TAF1B: variants seen among roughly 807,000 people sequenced by gnomAD.
The protein encoded by TAF1B is TATA box-binding protein-associated factor RNA polymerase I subunit B.
TAF1B carries 61 observed loss-of-function variants against 83.9 expected under a neutral mutation model. The observed-to-expected ratio is 0.73, with a 90% confidence interval of 0.59 to 0.90. The LOEUF (loss-of-function observed/expected upper bound fraction) is 0.90. Ranked by LOEUF, TAF1B falls within the 40% of genes least tolerant of loss-of-function variation. TAF1B has a pLI of 0.00. For synonymous variants in TAF1B, 221 were observed against 224.6 expected, an observed-to-expected ratio of 0.98 and a Z score of 0.14; for missense variants, 625 against 677.0, an observed-to-expected ratio of 0.92 and a Z score of 0.85.
chr2:9,894,169 G>T (rs957062745), intron 8 of TAF1B, among the ~76,000 whole-genome samples: 1 of 151,920 alleles, frequency 6.6e-6, no homozygotes, highest in Admixed American at 6.6e-5. Context: ...CTATAATTCC[G>T]TCTACAAAAT....
intron 8 of TAF1B, among the ~76,000 whole-genome samples, chr2:9,888,768 T>C (rs1664760715): frequency 6.7e-6 from 1 of 149,244 alleles, no homozygotes; most frequent in Non-Finnish European, 1.5e-5. Flanking sequence ...TGTCACAGTT[T>C]TCTTTATGTT....
chr2:9,920,118 T>C (rs1392493208), intron 14 of TAF1B, among the ~76,000 whole-genome samples: 1 of 152,240 alleles, frequency 6.6e-6, no homozygotes, highest in East Asian at 1.9e-4. Context: ...TACATATCAC[T>C]TCTCTGAGTC....
chr2:9,894,567 G>GT (rs1664962293), intron 8 of TAF1B, among the ~76,000 whole-genome samples: 1 of 152,158 alleles, frequency 6.6e-6, no homozygotes, highest in Admixed American at 6.5e-5. Context: ...GCTAGAAAAT[G>GT]TATCTGAGGC....
chr2:9,879,039 A>G (rs1369512537), intron 7 of TAF1B, among the ~76,000 whole-genome samples: 6 of 152,212 alleles, frequency 3.9e-5, no homozygotes, highest in Admixed American at 1.3e-4. Context: ...CAGGAGTACA[A>G]TAGACCTCAC....
chr2:9,913,124 AT>A (rs1158659179), intron 11 of TAF1B, 34 bp from the exon 12 acceptor site: 1 of 1,527,912 alleles, frequency 6.5e-7, no homozygotes, highest in African/African-American at 1.4e-5. Flanking sequence ...AGTGTGGTTT[AT>A]TTGGTTAATA....
intron 6 of TAF1B, among the ~76,000 whole-genome samples, chr2:9,872,865 A>AT (rs1249122037): frequency 6.6e-6 from 1 of 152,228 alleles, no homozygotes; most frequent in Non-Finnish European, 1.5e-5. Context: ...AAACCTTAGT[A>AT]ATTTGCAGTT....
In TAF1B at chr2:9,843,489, C is replaced by G. The variant is rs1663083766; in HGVS notation, c.-53C>G. 4 of 1,515,628 alleles carry G rather than the reference C, an allele frequency of 2.6e-6. No homozygotes were observed. Among genetic ancestry groups the G allele is most frequent in the Non-Finnish European group, 3.6e-6 (4 of 1,126,348 alleles). 93.9% of individuals were successfully genotyped at this position (1,515,628 alleles called of 1,614,324 possible). Reference sequence around the variant, plus strand: ...CTTCTCCAGCCTTTCCCGGAAGCTGCGCTCGCTACCCGGGTAACGGGTCCC... The same window carrying G: ...CTTCTCCAGCCTTTCCCGGAAGCTGGGCTCGCTACCCGGGTAACGGGTCCC... On this transcript the variant is annotated 5_prime_UTR_variant, in exon 1 of 15. Coordinates refer to ENST00000263663, the MANE Select transcript of TAF1B (RefSeq NM_005680.3).
At chr2:9,849,249 A>G (rs925116066) in intron 2 of TAF1B, 124 bp from the exon 3 acceptor site, 1 of 644,060 alleles carries the variant, frequency 1.6e-6, no homozygotes, top group Non-Finnish European at 2.6e-6. Flanking sequence ...TTTTCCCAAG[A>G]TTTTACCATC....
rs76614142 is a variant in TAF1B, at chr2:9,914,994, T to C, written c.1271+1745T>C. Among the ~76,000 whole-genome samples, 602 of 152,342 alleles carry C rather than the reference T, an allele frequency of 4.0e-3. 3 individuals carry two copies. The highest frequency in any genetic ancestry group is 0.014 in the African/African-American group (565 of 41,584). On this transcript the variant is annotated intron_variant, in intron 12 of 14. Coordinates refer to ENST00000263663, the MANE Select transcript of TAF1B (RefSeq NM_005680.3). This position sits in a 1 kb window ranked among gnomAD's most constrained non-coding sequence, Gnocchi z 4.3. ...TTGTCAGATGAAAATTATTAAAACA[T>C]TTTCTATATCTGAGCATGGGTTCCT...
At chr2:9,856,986 C>A (rs1167652988) in intron 5 of TAF1B, among the ~76,000 whole-genome samples, 1 of 152,160 alleles carries the variant, frequency 6.6e-6, no homozygotes, top group African/African-American at 2.4e-5. Context: ...CTGGTCCCTG[C>A]TTTTGAGCTG....
intron 8 of TAF1B, among the ~76,000 whole-genome samples, chr2:9,889,896 G>A (rs74477457): frequency 0.044 from 6,683 of 152,210 alleles, 194 homozygotes; most frequent in Non-Finnish European, 0.066. Context: ...TTTGCCTTCC[G>A]TGAGCTTTGG....
At chr2:9,843,797 G>A in intron 1 of TAF1B, 1 of 485,844 alleles carries the variant, frequency 2.1e-6, no homozygotes, top group Non-Finnish European at 3.6e-6. Flanking sequence ...GGAGGGTGTG[G>A]TGTTTGTCGT....
At chr2:9,875,086 C>T (rs1275050869) in intron 6 of TAF1B, among the ~76,000 whole-genome samples, 2 of 151,942 alleles carry the variant, frequency 1.3e-5, no homozygotes, top group South Asian at 4.2e-4. Flanking sequence ...CTCAGCCTCC[C>T]AAGTAGCTGG....
Position 9,848,384 on chromosome 2 carries a change from G to A in TAF1B, c.118-989G>A, listed in dbSNP as rs1572209306. Among the ~76,000 whole-genome samples, 4 of 152,214 alleles carry A rather than the reference G, an allele frequency of 2.6e-5. No individual in the cohort carries two copies. In the South Asian group the frequency reaches 8.3e-4, roughly 32 times the overall value. On this transcript the variant is annotated intron_variant, in intron 2 of 14. Transcript: ENST00000263663. ...TTCTGGCATTAAGACTCAATAATGG[G>A]GGCTGGGCACGGTGGCTCATGCCTG...
At chr2:9,882,618 C>CTT in intron 7 of TAF1B, 88 bp from the exon 8 acceptor site, 2 of 741,158 alleles carry the variant, frequency 2.7e-6, no homozygotes, top group South Asian at 6.5e-5. Flanking sequence ...CTTACCTTGT[C>CTT]TTTGAATTAA....
At chr2:9,891,525 G>C (rs1664874664) in intron 8 of TAF1B, among the ~76,000 whole-genome samples, 2 of 151,846 alleles carry the variant, frequency 1.3e-5, no homozygotes, top group South Asian at 4.2e-4. Context: ...ACTGTTACTG[G>C]TTTATGTATT....
chr2:9,934,378 T>G lies in TAF1B; in HGVS notation c.*394T>G, dbSNP rs1436184275. ...TTCATATGTAAAAATATAAAAGTAT[T>G]AGTAGAAAACAAATATGAATGCTTT... On this transcript the variant is annotated 3_prime_UTR_variant, in exon 15 of 15. Coordinates refer to ENST00000263663, the MANE Select transcript of TAF1B (RefSeq NM_005680.3). The G allele has an allele frequency of 6.3e-6, 1 of 158,182 alleles. No individual in the cohort carries two copies. The highest frequency in any genetic ancestry group is 1.4e-5 in the Non-Finnish European group (1 of 71,732). The allele number at this position is 158,182 out of a possible 1,614,324, so 9.8% of individuals were successfully genotyped here. A position where few individuals can be genotyped will look rare whatever the true frequency, so the allele number is the denominator to read the frequency against.
intron 11 of TAF1B, among the ~76,000 whole-genome samples, chr2:9,912,869 G>A (rs1665575299): frequency 6.6e-6 from 1 of 152,184 alleles, no homozygotes; most frequent in Admixed American, 6.5e-5. Flanking sequence ...GGTCATATTG[G>A]ATTAAACAAT....
At chr2:9,849,518 A>C (rs1663317265) in intron 3 of TAF1B, 58 bp downstream of exon 3, 1 of 1,263,956 alleles carries the variant, frequency 7.9e-7, no homozygotes, top group African/African-American at 1.5e-5. Context: ...CACCTTCATG[A>C]TGTCAGGACA....
Sources: gnomAD v4.1 joint callset for allele counts (sites outside exome capture counted in the v4.1 genomes callset) on GRCh38, gnomAD v4.1.1 for gene constraint, Gnocchi (gnomAD v3.1) non-coding constraint, MANE v1.5 for transcripts, NCBI Gene and HGNC (gene_info 2026-07-23, HGNC 2026-07-21) for gene names.